Variants in TUBGCP3 observed in about 807,000 individuals in gnomAD.
TUBGCP3 encodes gamma-tubulin complex component 3.
A neutral mutation model predicts 123.1 loss-of-function variants in TUBGCP3; 50 were observed. The ratio of observed to expected loss-of-function variants is 0.41; its 90% confidence interval spans 0.32 to 0.51. The LOEUF is 0.51. Ranked by LOEUF, TUBGCP3 falls within the 20% of genes least tolerant of loss-of-function variation. TUBGCP3 has a pLI of 0.36. For missense variants in TUBGCP3, 882 were observed against 1,127.0 expected (o/e 0.78, Z 3.11); for synonymous variants, 405 against 413.9 (o/e 0.98, Z 0.26).
intron 1 of TUBGCP3, among the ~76,000 whole-genome samples, chr13:112,578,250 G>C (rs567816074): frequency 2.0e-5 from 3 of 152,116 alleles, no homozygotes; most frequent in Non-Finnish European, 4.4e-5. Context: ...AGGATCGATT[G>C]TATCTTGAGT....
intron 2 of TUBGCP3, 42 bp from the exon 3 acceptor site, chr13:112,565,220 C>T (rs1880863719): frequency 6.5e-7 from 1 of 1,541,090 alleles, no homozygotes; most frequent in Non-Finnish European, 8.9e-7. Flanking sequence ...ACTACAAACA[C>T]CAAAATTCAT....
chr13:112,556,036 A>G lies in TUBGCP3; in HGVS notation c.721+16T>C, dbSNP rs199526011. ...GTGTTCACAGAAAAGCTGTATTAAC[A>G]TAGATCCTTACTCACCACCCGTATC... On this transcript the variant is annotated intron_variant, in intron 6 of 21. Transcript: ENST00000261965. The G allele has an allele frequency of 3.8e-5, 61 of 1,607,738 alleles. No homozygotes were observed. The African/African-American group carries it at 6.8e-4, about 18-fold the overall frequency.
chr13:112,587,836 T>C, intron 1 of TUBGCP3, 69 bp downstream of exon 1: 1 of 1,403,440 alleles, frequency 7.1e-7, no homozygotes, highest in Non-Finnish European at 9.7e-7. Context: ...CGGAACGTAT[T>C]AGGGCTGCAC....
intron 20 of TUBGCP3, among the ~76,000 whole-genome samples, chr13:112,493,156 C>T (rs1261223140): frequency 1.4e-5 from 2 of 145,858 alleles, no homozygotes; most frequent in African/African-American, 2.6e-5. Flanking sequence ...GCCTGAGACA[C>T]TCTAGCTTTG....
At chr13:112,496,985 C>CAAAAAA (rs60584662) in intron 20 of TUBGCP3, among the ~76,000 whole-genome samples, 8 of 101,718 alleles carry the variant, frequency 7.9e-5, no homozygotes, top group Admixed American at 7.2e-4. Flanking sequence ...GACTCCCTCT[C>CAAAAAA]AAAAAAAAAA....
intron 20 of TUBGCP3, among the ~76,000 whole-genome samples, chr13:112,491,866 G>A (rs1245393001): frequency 6.6e-6 from 1 of 152,176 alleles, no homozygotes; most frequent in African/African-American, 2.4e-5. Context: ...CCACCCAGGG[G>A]CATCAAGCAA....
intron 21 of TUBGCP3, among the ~76,000 whole-genome samples, chr13:112,487,623 A>T (rs1284162052): frequency 6.6e-6 from 1 of 152,206 alleles, no homozygotes; most frequent in African/African-American, 2.4e-5. Context: ...TTTAAGAAAC[A>T]GGAATACATA....
the TUBGCP3 span, among the ~76,000 whole-genome samples, chr13:112,599,348 T>C: frequency 6.6e-6 from 1 of 152,240 alleles, no homozygotes; most frequent in Non-Finnish European, 1.5e-5. Flanking sequence ...TCCCTACGGA[T>C]AGAATCTCCA....
Position 112,554,166 on chromosome 13 carries a change from G to T in TUBGCP3, c.857C>A (p.Ser286Tyr), listed in dbSNP as rs1178730641. Residue 286 changes from serine to tyrosine, a missense_variant, in exon 8 of 22, where the codon TCT becomes TAT. By Grantham distance (144) the Ser-to-Tyr change is moderately radical. This residue lies in a region of TUBGCP3 where 713 missense variants were observed against 874.0 expected (regional missense o/e 0.82). Coordinates refer to ENST00000261965, the MANE Select transcript of TUBGCP3 (RefSeq NM_006322.6). ...AAGCCTGACTGCTGTGTCTCTCAAA[G>T]ACCTACTTAGATTTGCCTAAAAAGT... ...KVEGKANLSRSLRDTAVRLSE... is the reference protein window; with the variant it reads ...KVEGKANLSRYLRDTAVRLSE... 1.9e-6 allele frequency: 3 copies of T among 1,613,690 alleles called. No individual in the cohort carries two copies. Among genetic ancestry groups the T allele is most frequent in the Non-Finnish European group, 2.5e-6 (3 of 1,179,964 alleles).
At chr13:112,509,328 T>A (rs1297156306) in intron 17 of TUBGCP3, among the ~76,000 whole-genome samples, 3 of 152,220 alleles carry the variant, frequency 2.0e-5, no homozygotes, top group Non-Finnish European at 4.4e-5. Flanking sequence ...AGGGAGCTGG[T>A]TTGTCACCTT....
At chr13:112,557,355 A>C (rs1412533345) in intron 5 of TUBGCP3, among the ~76,000 whole-genome samples, 1 of 152,238 alleles carries the variant, frequency 6.6e-6, no homozygotes, top group Non-Finnish European at 1.5e-5. Flanking sequence ...TAGAACACAC[A>C]TTCTGTTTTC....
chr13:112,599,989 C>G, the TUBGCP3 span, among the ~76,000 whole-genome samples: 48 of 152,288 alleles, frequency 3.2e-4, no homozygotes, highest in African/African-American at 1.1e-3. Context: ...GTGAATGGAC[C>G]AATATTAAAA....
At chr13:112,542,768 C>G (rs1462054555) in intron 11 of TUBGCP3, among the ~76,000 whole-genome samples, 1 of 152,118 alleles carries the variant, frequency 6.6e-6, no homozygotes, top group Non-Finnish European at 1.5e-5. Context: ...AGTGCTACTT[C>G]TTGACTTCGA....
Position 112,485,313 on chromosome 13 carries a change from A to AACC in TUBGCP3, c.*679_*680insGGT, listed in dbSNP as rs1879581307. On this transcript the variant is annotated 3_prime_UTR_variant, in exon 22 of 22. Coordinates refer to ENST00000261965, the MANE Select transcript of TUBGCP3 (RefSeq NM_006322.6). ...ATTCGCGGTATTTGGGTTGCACTGT[A>AACC]TAAGAGTATTTTTGTTCTCTATCAC... is the stretch of plus-strand genomic sequence containing the variant. 1 of 152,646 alleles carries AACC rather than the reference A, an allele frequency of 6.6e-6. No individual in the cohort carries two copies. Among genetic ancestry groups the AACC allele is most frequent in the Non-Finnish European group, 1.5e-5 (1 of 68,040 alleles). The allele number at this position is 152,646 out of a possible 1,614,324, so 9.5% of individuals were successfully genotyped here.
intron 11 of TUBGCP3, among the ~76,000 whole-genome samples, chr13:112,536,697 C>T (rs553602867): frequency 6.6e-6 from 1 of 152,250 alleles, no homozygotes; most frequent in East Asian, 1.9e-4. Flanking sequence ...CACCTCTCTA[C>T]CTATATATAA....
At chr13:112,575,695 G>A (rs540438162) in intron 1 of TUBGCP3, among the ~76,000 whole-genome samples, 1 of 152,324 alleles carries the variant, frequency 6.6e-6, no homozygotes, top group Non-Finnish European at 1.5e-5. Context: ...TGAATTGTGG[G>A]TCACAAAGCA....
intron 14 of TUBGCP3, among the ~76,000 whole-genome samples, chr13:112,521,146 CA>C (rs1240373392): frequency 2.0e-5 from 3 of 152,232 alleles, no homozygotes; most frequent in Admixed American, 1.3e-4. Context: ...CCCATGCCCC[CA>C]TGGCATTAGA....
rs1027267305 is a variant in TUBGCP3, at chr13:112,524,020, G to A, written c.1556-1511C>T. ...CAGGACGACGGGGACCACAGGAGTC[G>A]TCACAGAGAAGCAGCAGCGTCAGCA... is the stretch of plus-strand genomic sequence containing the variant. On this transcript the variant is annotated intron_variant, in intron 13 of 21. Coordinates refer to ENST00000261965, the MANE Select transcript of TUBGCP3 (RefSeq NM_006322.6). This position sits in a 1 kb window ranked among gnomAD's most constrained non-coding sequence, Gnocchi z 4.4. 2.6e-5 allele frequency among the ~76,000 whole-genome samples: 4 copies of A among 152,098 alleles called. No individual in the cohort carries two copies. The highest frequency in any genetic ancestry group is 2.1e-4 in the South Asian group (1 of 4,818).
intron 17 of TUBGCP3, among the ~76,000 whole-genome samples, chr13:112,507,384 C>T (rs1881375460): frequency 6.6e-6 from 1 of 152,320 alleles, no homozygotes. Flanking sequence ...CTTATTCATC[C>T]TGACCTCCTT....
Sources: gnomAD v4.1 joint callset for allele counts (sites outside exome capture counted in the v4.1 genomes callset) on GRCh38, gnomAD v4.1.1 for gene constraint, gnomAD v4.1.1 regional missense constraint, Gnocchi (gnomAD v3.1) non-coding constraint, MANE v1.5 for transcripts, NCBI Gene and HGNC (gene_info 2026-07-23, HGNC 2026-07-21) for gene names.